NDE1: variants seen among roughly 807,000 people sequenced by gnomAD.
NDE1 encodes nudE neurodevelopment protein 1, also known as nuclear distribution protein nudE homolog 1.
NDE1 carries 28 observed loss-of-function variants against 43.4 expected under a neutral mutation model. The ratio of observed to expected loss-of-function variants is 0.65; its 90% CI spans 0.48 to 0.89. The LOEUF is 0.89. Ranked by LOEUF, NDE1 falls within the 40% of genes least tolerant of loss-of-function variation. NDE1 has a pLI of 0.00. For missense variants in NDE1, 441 were observed against 434.1 expected, an observed-to-expected ratio of 1.02 and a Z score of -0.14; for synonymous variants, 184 against 172.0, an observed-to-expected ratio of 1.07 and a Z score of -0.55.
At chr16:15,686,075 C>G (rs1200614742) in intron 4 of NDE1, among the ~76,000 whole-genome samples, 1 of 151,962 alleles carries the variant, frequency 6.6e-6, no homozygotes, top group Non-Finnish European at 1.5e-5. Flanking sequence ...TCTCACCCTC[C>G]CGAGCAGCTG....
At chr16:15,715,163 C>G (rs1701687378) in intron 8 of NDE1, 1 of 1,613,428 alleles carries the variant, frequency 6.2e-7, no homozygotes, top group Non-Finnish European at 8.5e-7. Flanking sequence ...GCAGGGGCTA[C>G]CTGCTCCTTG....
chr16:15,665,238 G>A (rs1182994998), intron 2 of NDE1, among the ~76,000 whole-genome samples: 1 of 151,998 alleles, frequency 6.6e-6, no homozygotes, highest in Non-Finnish European at 1.5e-5. Context: ...CAGGCAGTGT[G>A]AAAGGCTTAA....
chr16:15,704,114 G>A lies in NDE1; in HGVS notation c.947+7254G>A, dbSNP rs149529195. 5.4e-4 allele frequency: 878 copies of A among 1,614,032 alleles called. 1 individual carries two copies. The African/African-American group carries it at 8.0e-3, about 15-fold the overall frequency. On this transcript the variant is annotated intron_variant, in intron 8 of 8. Transcript: ENST00000396354. ...TTCTAGAAGGAACGAAAGAGGTCTC[G>A]TTTCCTCGCCTGTGGGTTGTAAGAA...
intron 3 of NDE1, among the ~76,000 whole-genome samples, chr16:15,675,589 A>C (rs2037828148): frequency 6.6e-6 from 1 of 151,748 alleles, no homozygotes; most frequent in Non-Finnish European, 1.5e-5. Context: ...GGTGCATGCC[A>C]CCACGCCTGG....
chr16:15,669,641 T>A (rs2037492211), intron 3 of NDE1, among the ~76,000 whole-genome samples: 1 of 151,860 alleles, frequency 6.6e-6, no homozygotes, highest in Non-Finnish European at 1.5e-5. Context: ...ATTACAGGTG[T>A]GAGCCACCAC....
At chr16:15,680,874 T>C (rs1416932582) in intron 4 of NDE1, among the ~76,000 whole-genome samples, 3 of 152,288 alleles carry the variant, frequency 2.0e-5, no homozygotes, top group African/African-American at 4.8e-5. Context: ...TTCTCCTGCA[T>C]TGAAAATAAT....
rs1000629971 is a variant in NDE1 at position 15,667,386 on chromosome 16, A to G, written c.184A>G (p.Arg62Gly). The G allele has an allele frequency of 1.6e-5, 26 of 1,613,954 alleles. No homozygotes were observed. Among genetic ancestry groups the G allele is most frequent in the Non-Finnish European group, 1.9e-5 (23 of 1,179,966 alleles). The change falls in exon 3 of 9, where the codon AGA (arginine) becomes GGA (glycine). Residue 62 changes from arginine (R) to glycine (G), a missense_variant. Coordinates refer to ENST00000396354, the MANE Select transcript of NDE1 (RefSeq NM_017668.3). ...GCTGCAACAAATTGAAACCAGGAAC[A>G]GAGACCTCCTGTCCGAAAATAACCG... ...TQLQQIETRNRDLLSENNRLR... is the reference protein window; with the variant it reads ...TQLQQIETRNGDLLSENNRLR...
At chr16:15,694,691 T>C (rs1256981594) in intron 7 of NDE1, 1 of 985,224 alleles carries the variant, frequency 1.0e-6, no homozygotes, top group East Asian at 1.1e-4. Context: ...GCTGCTCCTT[T>C]AGCATCCCTG....
intron 8 of NDE1, among the ~76,000 whole-genome samples, chr16:15,706,567 C>A (rs942119346): frequency 6.6e-6 from 1 of 152,028 alleles, no homozygotes; most frequent in Non-Finnish European, 1.5e-5. Context: ...ATTAGCCGTG[C>A]GTGGTGGCAG....
rs774338949 is a variant in NDE1, at chr16:15,687,388, T to A, written c.400T>A (p.Ser134Thr). The A allele has an allele frequency of 6.2e-7, 1 of 1,614,118 alleles. No homozygotes were observed. Among genetic ancestry groups the A allele is most frequent in the East Asian group, 2.2e-5 (1 of 44,882 alleles). ...TCTCTTCGCCAGCGCCACGATCATG[T>A]CTCTCGAAGACTTTGAGCAGCGCTT... ...LERAKRATIM[S>T]LEDFEQRLNQ... The change falls in exon 5 of 9, where the codon TCT (serine) becomes ACT (threonine). Residue 134 changes from serine (S) to threonine (T), a missense_variant. Ser to Thr is a moderately conservative substitution (Grantham distance 58, BLOSUM62 1). Transcript: ENST00000396354.
intron 3 of NDE1, among the ~76,000 whole-genome samples, chr16:15,675,882 T>C (rs960665796): frequency 1.3e-5 from 2 of 152,162 alleles, no homozygotes. Flanking sequence ...TGATCTTGGC[T>C]CAGTCATTTG....
At chr16:15,698,063 A>T (rs1032745740) in intron 8 of NDE1, among the ~76,000 whole-genome samples, 33 of 152,140 alleles carry the variant, frequency 2.2e-4, no homozygotes, top group African/African-American at 7.5e-4. Flanking sequence ...CGGCCTCTCA[A>T]AGTGCTGGGA....
intron 8 of NDE1, chr16:15,708,829 TGGG>T (rs747392139): frequency 1.2e-6 from 2 of 1,602,906 alleles, no homozygotes; most frequent in African/African-American, 2.7e-5. Flanking sequence ...AAGTTTCCTG[TGGG>T]GGGGGCCCTC....
rs370786181 is a variant in NDE1 at position 15,718,444 on chromosome 16, G to A, written c.948-5747G>A. On this transcript the variant is annotated intron_variant, in intron 8 of 8. Coordinates refer to ENST00000396354, the MANE Select transcript of NDE1 (RefSeq NM_017668.3). ...TCTCGTCCTGGAGTGCGTTCCTGGG[G>A]GAAGGGCGGCCATGGTGGGGGCCTC... The A allele has an allele frequency of 3.0e-5, 46 of 1,555,008 alleles. No homozygotes were observed. The highest frequency in any genetic ancestry group is 2.8e-5 in the Non-Finnish European group (32 of 1,153,094).
At chr16:15,676,225 GTTT>G (rs34293989) in intron 3 of NDE1, among the ~76,000 whole-genome samples, 2 of 118,950 alleles carry the variant, frequency 1.7e-5, no homozygotes, top group Non-Finnish European at 3.3e-5. Context: ...TGTTTTTCTG[GTTT>G]TTTTTTTTTT....
chr16:15,663,082 C>T (rs1403304774), intron 1 of NDE1, among the ~76,000 whole-genome samples: 1 of 152,116 alleles, frequency 6.6e-6, no homozygotes, highest in African/African-American at 2.4e-5. Flanking sequence ...TGTGACTTAG[C>T]CCCTTTATTT....
chr16:15,696,954 T>G, intron 8 of NDE1, 94 bp downstream of exon 8: 1 of 1,558,332 alleles, frequency 6.4e-7, no homozygotes, highest in Non-Finnish European at 8.7e-7. Flanking sequence ...ATGTGTCTTT[T>G]TAAATTATAG....
rs796934961 is a variant in NDE1 at position 15,719,059 on chromosome 16, T to G, written c.948-5132T>G. The G allele has an allele frequency of 2.7e-5, 19 of 699,728 alleles. 1 individual carries two copies. The highest frequency in any genetic ancestry group is 2.2e-4 in the South Asian group (14 of 63,936). 43.3% of individuals were successfully genotyped at this position (699,728 alleles called of 1,614,324 possible). A position where few individuals can be genotyped will look rare whatever the true frequency, so the allele number is the denominator to read the frequency against. Reference sequence around the variant, plus strand: ...AGGAGAATTGCTTGAACCTGGGAGGTGGAGGTTGCAGTGAGCCAAGATTGT... The same window carrying G: ...AGGAGAATTGCTTGAACCTGGGAGGGGGAGGTTGCAGTGAGCCAAGATTGT... On this transcript the variant is annotated intron_variant, in intron 8 of 8. Coordinates refer to ENST00000396354, the MANE Select transcript of NDE1 (RefSeq NM_017668.3).
At chr16:15,722,692 G>C (rs1057277676) in intron 8 of NDE1, among the ~76,000 whole-genome samples, 1 of 152,210 alleles carries the variant, frequency 6.6e-6, no homozygotes, top group Non-Finnish European at 1.5e-5. Flanking sequence ...CAGTCAGGGA[G>C]GGGTAGGGAA....
Sources: gnomAD v4.1 joint callset for allele counts (sites outside exome capture counted in the v4.1 genomes callset) on GRCh38, gnomAD v4.1.1 for gene constraint, MANE v1.5 for transcripts, NCBI Gene and HGNC (gene_info 2026-07-23, HGNC 2026-07-21) for gene names.